Variants in CPS1 observed in about 807,000 individuals in gnomAD.
CPS1 encodes carbamoyl-phosphate synthase 1.
In CPS1, 109 loss-of-function variants were observed where a neutral mutation model predicts 174.6. The ratio of observed to expected loss-of-function variants is 0.62; its 90% CI spans 0.53 to 0.73. The LOEUF (loss-of-function observed/expected upper bound fraction) is 0.73, where lower values mean the gene tolerates loss of function less well. Among genes scored for constraint, CPS1 ranks in the 30% least tolerant of loss-of-function variants. The pLI is 0.00. For missense variants in CPS1, 1,689 were observed against 1,821.9 expected, an observed-to-expected ratio of 0.93 and a Z score of 1.33; for synonymous variants, 637 against 632.0, an observed-to-expected ratio of 1.01 and a Z score of -0.12.
chr2:210,496,460 A>C, intron 1 of CPS1, among the ~76,000 whole-genome samples: 1 of 152,160 alleles, frequency 6.6e-6, no homozygotes, highest in African/African-American at 2.4e-5. Flanking sequence ...AACTTAAGCA[A>C]ATTGAGTCTT....
rs1447270508 is a variant in CPS1 at position 210,534,411 on chromosome 2, TG to T, written c.4-22307del. Among the ~76,000 whole-genome samples the T allele has an allele frequency of 4.6e-5, 7 of 152,206 alleles. No individual in the cohort carries two copies. In the East Asian group the frequency reaches 1.3e-3, roughly 29 times the overall value. On this transcript the variant is annotated intron_variant, in intron 1 of 38. Transcript: ENST00000430249. Reference sequence around the variant, plus strand: ...GGAAAGATAAATGACTATCCACTCCTGTAACAACTCCTCAAAATCATTACTA... The same window carrying T: ...GGAAAGATAAATGACTATCCACTCCTTAACAACTCCTCAAAATCATTACTA...
At chr2:210,638,928 G>T (rs1700121679) in intron 22 of CPS1, among the ~76,000 whole-genome samples, 1 of 152,066 alleles carries the variant, frequency 6.6e-6, no homozygotes, top group South Asian at 2.1e-4. Context: ...TACTACTAGT[G>T]ATCCAATGCC....
At chr2:210,667,395 C>A (rs1475900475) in intron 33 of CPS1, among the ~76,000 whole-genome samples, 1 of 152,074 alleles carries the variant, frequency 6.6e-6, no homozygotes, top group Non-Finnish European at 1.5e-5. Flanking sequence ...ATATACATGG[C>A]AGAATTGACT....
intron 33 of CPS1, 111 bp from the exon 34 acceptor site, chr2:210,668,075 C>A (rs1381305341): frequency 6.7e-6 from 3 of 445,922 alleles, no homozygotes; most frequent in East Asian, 4.4e-5. Flanking sequence ...TTTGTGCGTG[C>A]ATGTGTGTGT....
At chr2:210,602,445 T>C in intron 16 of CPS1, 115 bp downstream of exon 16, 1 of 1,329,778 alleles carries the variant, frequency 7.5e-7, no homozygotes, top group Non-Finnish European at 1.1e-6. Context: ...TAAATCATGA[T>C]CATGTTCTCC....
chr2:210,496,069 C>T (rs1243463822), intron 1 of CPS1, among the ~76,000 whole-genome samples: 1 of 152,030 alleles, frequency 6.6e-6, no homozygotes, highest in Non-Finnish European at 1.5e-5. Flanking sequence ...ATCAAATATT[C>T]AGATACTATT....
At position 210,510,691 on chromosome 2, in the gene CPS1, A is replaced by G. The variant is rs1251361830; in HGVS notation, c.3+32925A>G. 2.0e-5 allele frequency among the ~76,000 whole-genome samples: 3 copies of G among 152,316 alleles called. No homozygotes were observed. In the South Asian group the frequency reaches 6.2e-4, roughly 32 times the overall value. On this transcript the variant is annotated intron_variant, in intron 1 of 38. Transcript: ENST00000430249. The stretch of plus-strand genomic sequence containing the variant: ...AAGAACTCAAACAAATTTACAAGAA[A>G]AAAACAACCCCATCAACAAGTGGGC...
chr2:210,577,912 A>G (rs1452301034), intron 4 of CPS1, among the ~76,000 whole-genome samples: 1 of 151,878 alleles, frequency 6.6e-6, no homozygotes, highest in East Asian at 2.0e-4. Context: ...CTGGTTGTGT[A>G]ACTTTGTGCA....
At chr2:210,509,971 A>T (rs1252291140) in intron 1 of CPS1, among the ~76,000 whole-genome samples, 10 of 152,156 alleles carry the variant, frequency 6.6e-5, no homozygotes, top group Admixed American at 4.6e-4. Context: ...TTATAGATTC[A>T]ATGCCATCCC....
At chr2:210,594,713 T>C (rs1234932887) in intron 12 of CPS1, 107 bp downstream of exon 12, 3 of 774,038 alleles carry the variant, frequency 3.9e-6, no homozygotes, top group Admixed American at 2.0e-5. Context: ...TAATAAAAGA[T>C]GACTGGTAAT....
intron 6 of CPS1, among the ~76,000 whole-genome samples, 176 bp downstream of exon 6, chr2:210,582,885 G>A (rs1305484419): frequency 1.3e-5 from 2 of 152,096 alleles, no homozygotes; most frequent in Admixed American, 6.6e-5. Context: ...TTTAAAGCTG[G>A]TTTTACTTAC....
At chr2:210,671,476 A>G (rs1701300598) in intron 34 of CPS1, 1 of 152,188 alleles carries the variant, frequency 6.6e-6, no homozygotes, top group Non-Finnish European at 1.5e-5. Flanking sequence ...TATATTTTTC[A>G]CTTTTAAAGG....
intron 1 of CPS1, among the ~76,000 whole-genome samples, chr2:210,571,683 G>T (rs928318497): frequency 6.6e-6 from 1 of 151,956 alleles, no homozygotes; most frequent in East Asian, 1.9e-4. Context: ...AGAGACTTGG[G>T]TGCTTTGGAT....
At position 210,546,765 on chromosome 2, in the gene CPS1, G is replaced by A. The variant is rs542274870; in HGVS notation, c.4-9954G>A. The stretch of plus-strand genomic sequence containing the variant: ...AAGTTATATGATCTTTGGCACTATT[G>A]GCTGTGTGTTAAGCCACAGTAAGGT... On this transcript the variant is annotated intron_variant, in intron 1 of 38. Coordinates refer to the CPS1 transcript ENST00000430249. 2.6e-5 allele frequency among the ~76,000 whole-genome samples: 4 copies of A among 152,146 alleles called. No homozygotes were observed. In the South Asian group the frequency reaches 8.3e-4, roughly 32 times the overall value.
chr2:210,559,360 C>G (rs1006495542), intron 1 of CPS1, among the ~76,000 whole-genome samples: 5 of 152,158 alleles, frequency 3.3e-5, no homozygotes, highest in Admixed American at 2.6e-4. Flanking sequence ...CTTTTCCTCT[C>G]TCTTTGATGA....
At chr2:210,523,555 C>T (rs928780767) in intron 1 of CPS1, among the ~76,000 whole-genome samples, 29 of 151,976 alleles carry the variant, frequency 1.9e-4, no homozygotes, top group Admixed American at 9.8e-4. Context: ...TCCACGTGGA[C>T]GCATTATTTA....
intron 34 of CPS1, chr2:210,673,194 C>A (rs371498367): frequency 1.3e-5 from 2 of 152,156 alleles, no homozygotes; most frequent in East Asian, 1.9e-4. Context: ...CAAGAATGTT[C>A]CTATTTAAAG....
At chr2:210,495,084 T>G (rs775649814) in intron 1 of CPS1, among the ~76,000 whole-genome samples, 1 of 152,220 alleles carries the variant, frequency 6.6e-6, no homozygotes, top group Non-Finnish European at 1.5e-5. Flanking sequence ...GTAAAATGGA[T>G]GCAAATATCA....
At chr2:210,560,811 C>T (rs1400031324) in intron 1 of CPS1, among the ~76,000 whole-genome samples, 2 of 152,096 alleles carry the variant, frequency 1.3e-5, no homozygotes, top group East Asian at 1.9e-4. Flanking sequence ...CATATTGGAG[C>T]CTCTGTACAC....
Sources: allele counts gnomAD v4.1 joint callset (sites outside exome capture counted in the v4.1 genomes callset), GRCh38; gene constraint gnomAD v4.1.1; transcripts MANE v1.5; gene names NCBI Gene and HGNC (gene_info 2026-07-23, HGNC 2026-07-21).